Variants in ASIC2 observed in about 807,000 individuals in gnomAD.
The protein encoded by ASIC2 is acid sensing ion channel subunit 2, also known as acid-sensing ion channel 2.
Under a neutral mutation model 57.3 loss-of-function variants are expected in ASIC2, and 25 were observed. The observed-to-expected ratio is 0.44, with a 90% CI of 0.32 to 0.61. The LOEUF is 0.61. Among genes scored for constraint, ASIC2 ranks in the 20% least tolerant of loss-of-function variants. The probability of loss-of-function intolerance (pLI) is 0.06; values close to 1 mark genes in which losing one functional copy is unlikely to be tolerated. For synonymous variants in ASIC2, 319 were observed against 307.5 expected, an observed-to-expected ratio of 1.04 and a Z score of -0.39; for missense variants, 641 against 738.1, an observed-to-expected ratio of 0.87 and a Z score of 1.52.
intron 1 of ASIC2, among the ~76,000 whole-genome samples, chr17:33,174,689 A>G (rs977650954): frequency 6.6e-6 from 1 of 152,126 alleles, no homozygotes; most frequent in African/African-American, 2.4e-5. Context: ...CTGCCCAATG[A>G]AAGGAAGAGG....
intron 1 of ASIC2, among the ~76,000 whole-genome samples, chr17:33,878,480 T>C (rs1449089342): frequency 1.3e-5 from 2 of 152,146 alleles, no homozygotes; most frequent in Non-Finnish European, 2.9e-5. Flanking sequence ...CAATAGCCGA[T>C]TCGATCAACT....
chr17:34,025,254 GC>G (rs1223248705), intron 1 of ASIC2, among the ~76,000 whole-genome samples: 2 of 152,184 alleles, frequency 1.3e-5, no homozygotes, highest in African/African-American at 4.8e-5. Context: ...TGCTGCCCTT[GC>G]TAACATTCAG....
chr17:34,141,319 G>A (rs182853969), intron 1 of ASIC2, among the ~76,000 whole-genome samples: 1 of 152,128 alleles, frequency 6.6e-6, no homozygotes, highest in Non-Finnish European at 1.5e-5. Flanking sequence ...TGAACTTCTG[G>A]GTGAGGGATA....
intron 3 of ASIC2, among the ~76,000 whole-genome samples, chr17:33,066,332 A>G (rs542531646): frequency 2.0e-5 from 3 of 152,238 alleles, no homozygotes; most frequent in African/African-American, 7.2e-5. Context: ...TCTGGCGTGC[A>G]TGGTGTGTGG....
chr17:33,147,716 C>T (rs997872631), intron 1 of ASIC2, among the ~76,000 whole-genome samples: 3 of 152,180 alleles, frequency 2.0e-5, no homozygotes, highest in African/African-American at 7.2e-5. Flanking sequence ...AAATCCCGGG[C>T]CAGTGCCAAC....
chr17:33,651,261 T>C (rs1001477842), intron 1 of ASIC2, among the ~76,000 whole-genome samples: 2 of 152,184 alleles, frequency 1.3e-5, no homozygotes, highest in African/African-American at 2.4e-5. Flanking sequence ...TCATTTGTTA[T>C]GTTATGAAAA....
intron 1 of ASIC2, among the ~76,000 whole-genome samples, chr17:33,668,026 T>TA (rs1404730461): frequency 6.6e-6 from 1 of 152,226 alleles, no homozygotes; most frequent in South Asian, 2.1e-4. Flanking sequence ...ATTATAATAC[T>TA]AAAAAATCCT....
At chr17:33,269,618 CCTT>C (rs1282909974) in intron 1 of ASIC2, among the ~76,000 whole-genome samples, 29 of 36,016 alleles carry the variant, frequency 8.1e-4, no homozygotes, top group African/African-American at 2.7e-3. Flanking sequence ...TCCTTCCCTT[CCTT>C]CCTTCCTTCC....
intron 1 of ASIC2, among the ~76,000 whole-genome samples, chr17:33,643,151 C>A (rs1038109473): frequency 6.7e-6 from 1 of 149,976 alleles, no homozygotes; most frequent in Non-Finnish European, 1.5e-5. Context: ...CTCATTTCCC[C>A]CCCCCCACAT....
At chr17:34,097,405 C>T (rs1336078231) in intron 1 of ASIC2, among the ~76,000 whole-genome samples, 1 of 152,168 alleles carries the variant, frequency 6.6e-6, no homozygotes. Flanking sequence ...ACATTCTCTA[C>T]ATGTTGTGGG....
At position 33,434,494 on chromosome 17, in the gene ASIC2, T is replaced by C. The variant is rs779099982; in HGVS notation, c.556-322427A>G. On this transcript the variant is annotated intron_variant, in intron 1 of 9. Transcript: ENST00000359872. ...AATAGCTTATAAAGGAAAGGAAAATTAGGTTATTACCAGACTTTTTGACAA... is the reference window on the plus strand; with the variant it reads ...AATAGCTTATAAAGGAAAGGAAAATCAGGTTATTACCAGACTTTTTGACAA... 2.5e-4 allele frequency among the ~76,000 whole-genome samples: 38 copies of C among 152,312 alleles called. 1 individual carries two copies. The highest frequency in any genetic ancestry group is 3.4e-3 in the Middle Eastern group (1 of 294).
At chr17:33,023,563 C>T (rs957461419) in intron 6 of ASIC2, among the ~76,000 whole-genome samples, 1 of 151,988 alleles carries the variant, frequency 6.6e-6, no homozygotes, top group Non-Finnish European at 1.5e-5. Context: ...GCAGCTAACC[C>T]ATCATTCTCT....
At chr17:33,839,888 C>G (rs1224007681) in intron 1 of ASIC2, among the ~76,000 whole-genome samples, 1 of 152,196 alleles carries the variant, frequency 6.6e-6, no homozygotes, top group Non-Finnish European at 1.5e-5. Flanking sequence ...AGGGATGCCA[C>G]AGCATCTGGG....
At chr17:33,159,223 C>T (rs938014470) in intron 1 of ASIC2, among the ~76,000 whole-genome samples, 1 of 152,166 alleles carries the variant, frequency 6.6e-6, no homozygotes, top group Non-Finnish European at 1.5e-5. Context: ...TTTTCAATGG[C>T]TGGGTTTTAA....
At chr17:33,512,310 G>A (rs946115166) in intron 1 of ASIC2, among the ~76,000 whole-genome samples, 2 of 152,298 alleles carry the variant, frequency 1.3e-5, no homozygotes, top group African/African-American at 2.4e-5. Flanking sequence ...GGCAAAACAT[G>A]AGTCATCATT....
intron 1 of ASIC2, among the ~76,000 whole-genome samples, chr17:33,340,503 G>A (rs1008386746): frequency 7.3e-5 from 11 of 150,476 alleles, no homozygotes; most frequent in African/African-American, 2.2e-4. Context: ...CTTTCCTATC[G>A]TTTTTCTTCC....
In ASIC2 at chr17:33,021,446, G is replaced by A. The variant is rs1006700244; in HGVS notation, c.1350-136C>T. On this transcript the variant is annotated intron_variant, in intron 6 of 9. Transcript: ENST00000225823. ...AGGCAGCTTGCCCAAAGTTAGAGCT[G>A]GTTAGTGGCAGAGCTGCGGCTTCAA... is the stretch of plus-strand genomic sequence containing the variant. The A allele has an allele frequency of 3.6e-4, 250 of 697,572 alleles. 2 individuals carry two copies. Among genetic ancestry groups the A allele is most frequent in the Non-Finnish European group, 1.1e-4 (45 of 422,046 alleles). 43.2% of individuals were successfully genotyped at this position (697,572 alleles called of 1,614,324 possible). A position where few individuals can be genotyped will look rare whatever the true frequency, so the allele number is the denominator to read the frequency against.
At chr17:34,005,260 A>G (rs1242568470) in intron 1 of ASIC2, 2 of 151,956 alleles carry the variant, frequency 1.3e-5, no homozygotes, top group East Asian at 3.9e-4. Flanking sequence ...GCCTGCTCCA[A>G]CCCCTTTCTC....
chr17:33,247,184 A>G (rs1465024238), intron 1 of ASIC2, among the ~76,000 whole-genome samples: 2 of 152,210 alleles, frequency 1.3e-5, no homozygotes, highest in Non-Finnish European at 2.9e-5. Context: ...TCCAGAGTAC[A>G]TGGGGTGGGT....
Sources: allele counts gnomAD v4.1 joint callset (sites outside exome capture counted in the v4.1 genomes callset), GRCh38; gene constraint gnomAD v4.1.1; transcripts MANE v1.5; gene names NCBI Gene and HGNC (gene_info 2026-07-23, HGNC 2026-07-21).